ADGRB3: variants seen among roughly 807,000 people sequenced by gnomAD.
ADGRB3 encodes adhesion G protein-coupled receptor B3, also known as brain-specific angiogenesis inhibitor 3.
In ADGRB3, 37 loss-of-function variants were observed where a neutral mutation model predicts 193.4. That is an observed-to-expected ratio of 0.19 (90% confidence interval 0.15 to 0.25). The LOEUF (loss-of-function observed/expected upper bound fraction) is 0.25, where lower values mean the gene tolerates loss of function less well. ADGRB3 is among the 10% of genes least tolerant of loss of function. ADGRB3 has a pLI of 1.00. For missense variants in ADGRB3, 1,637 were observed against 1,852.9 expected (o/e 0.88, Z 2.14); for synonymous variants, 690 against 644.2 (o/e 1.07, Z -1.08).
At chr6:68,879,088 G>T (rs928745703) in intron 3 of ADGRB3, among the ~76,000 whole-genome samples, 3 of 151,990 alleles carry the variant, frequency 2.0e-5, no homozygotes, top group Non-Finnish European at 4.4e-5. Context: ...CATGGCATAA[G>T]CAAGATAAAT....
intron 13 of ADGRB3, among the ~76,000 whole-genome samples, chr6:69,040,868 A>G (rs949844281): frequency 2.6e-5 from 4 of 152,138 alleles, no homozygotes; most frequent in Admixed American, 1.3e-4. Context: ...AAAATGCTAC[A>G]TAGTTACTTT....
intron 20 of ADGRB3, among the ~76,000 whole-genome samples, chr6:69,321,096 A>G (rs1196698722): frequency 6.6e-6 from 1 of 151,492 alleles, no homozygotes; most frequent in East Asian, 1.9e-4. Context: ...TTTGTTCTTT[A>G]TATACTTTTG....
At chr6:69,009,660 G>A (rs969936268) in intron 11 of ADGRB3, among the ~76,000 whole-genome samples, 7 of 152,094 alleles carry the variant, frequency 4.6e-5, no homozygotes, top group African/African-American at 1.7e-4. Context: ...GCTTATCCCT[G>A]CTTCCTTGTT....
intron 17 of ADGRB3, among the ~76,000 whole-genome samples, chr6:69,149,283 C>T (rs186294822): frequency 2.0e-5 from 3 of 152,032 alleles, no homozygotes; most frequent in Admixed American, 1.3e-4. Flanking sequence ...TGTCTTCAAG[C>T]TCACTAATTC....
At chr6:68,787,883 G>C (rs968329949) in intron 3 of ADGRB3, among the ~76,000 whole-genome samples, 5 of 152,142 alleles carry the variant, frequency 3.3e-5, no homozygotes, top group African/African-American at 1.2e-4. Context: ...TTAGTCTTGG[G>C]AGGATATATG....
chr6:69,361,750 C>A, intron 29 of ADGRB3, among the ~76,000 whole-genome samples: 1 of 151,420 alleles, frequency 6.6e-6, no homozygotes, highest in South Asian at 2.1e-4. Flanking sequence ...TGAAAAGGAA[C>A]CCATTATATT....
intron 17 of ADGRB3, among the ~76,000 whole-genome samples, chr6:69,211,174 T>C (rs1765659679): frequency 6.6e-6 from 1 of 152,104 alleles, no homozygotes; most frequent in South Asian, 2.1e-4. Flanking sequence ...TTTCAGGACA[T>C]ATTCTTAAGA....
At chr6:69,185,105 C>A (rs918892285) in intron 17 of ADGRB3, among the ~76,000 whole-genome samples, 1 of 152,022 alleles carries the variant, frequency 6.6e-6, no homozygotes. Context: ...TTCAAATTGC[C>A]TCTCTACAAG....
intron 17 of ADGRB3, among the ~76,000 whole-genome samples, chr6:69,076,656 C>T (rs1344963593): frequency 6.6e-6 from 1 of 151,838 alleles, no homozygotes; most frequent in Non-Finnish European, 1.5e-5. Context: ...ATTGATAATC[C>T]TGAGATTTTG....
intron 20 of ADGRB3, among the ~76,000 whole-genome samples, chr6:69,324,316 G>T (rs1181951982): frequency 2.0e-5 from 3 of 152,046 alleles, no homozygotes; most frequent in African/African-American, 4.8e-5. Context: ...TTTTATTTTT[G>T]TACTATGTTA....
chr6:68,855,082 C>T (rs900601794), intron 3 of ADGRB3, among the ~76,000 whole-genome samples: 1 of 152,206 alleles, frequency 6.6e-6, no homozygotes, highest in African/African-American at 2.4e-5. Context: ...TTGAAAAGAG[C>T]TTCTTCCAGG....
intron 13 of ADGRB3, among the ~76,000 whole-genome samples, chr6:69,036,711 A>T (rs188613768): frequency 2.6e-5 from 4 of 152,292 alleles, no homozygotes; most frequent in African/African-American, 9.6e-5. Context: ...AGAATGTTCT[A>T]GTTAGAAAGA....
At chr6:69,051,597 T>C (rs1771395091) in intron 15 of ADGRB3, among the ~76,000 whole-genome samples, 1 of 152,230 alleles carries the variant, frequency 6.6e-6, no homozygotes, top group African/African-American at 2.4e-5. Flanking sequence ...ACTTCTCATT[T>C]TCTTTTATCT....
chr6:68,839,022 T>C (rs1194024119), intron 3 of ADGRB3, among the ~76,000 whole-genome samples: 2 of 151,774 alleles, frequency 1.3e-5, no homozygotes, highest in Non-Finnish European at 2.9e-5. Context: ...AGGAACACAT[T>C]TGCCCTCTCT....
At chr6:69,137,227 G>A (rs1774178501) in intron 17 of ADGRB3, among the ~76,000 whole-genome samples, 1 of 151,798 alleles carries the variant, frequency 6.6e-6, no homozygotes, top group East Asian at 1.9e-4. Context: ...TCTTTATGCA[G>A]ACTTGATTTA....
intron 28 of ADGRB3, among the ~76,000 whole-genome samples, 175 bp downstream of exon 28, chr6:69,356,035 G>A (rs923106217): frequency 6.6e-6 from 1 of 152,120 alleles, no homozygotes. Flanking sequence ...GAACGAGGCA[G>A]AAAAATCCAG....
chr6:69,117,945 T>C (rs1255702479), intron 17 of ADGRB3, among the ~76,000 whole-genome samples: 2 of 152,186 alleles, frequency 1.3e-5, no homozygotes, highest in Non-Finnish European at 2.9e-5. Context: ...GATTGCAGCA[T>C]TCAAGTTTTT....
At chr6:69,034,824 T>C (rs1057062485) in intron 13 of ADGRB3, among the ~76,000 whole-genome samples, 1 of 151,772 alleles carries the variant, frequency 6.6e-6, no homozygotes, top group Non-Finnish European at 1.5e-5. Flanking sequence ...AAATTTTATA[T>C]AGTTAAAAAG....
rs78615145 is a variant in ADGRB3 at position 69,093,378 on chromosome 6, T to C, written c.2480+17340T>C. ...TCCAGAGGGGAGGTAGTGGGCATCT[T>C]AGATTCAGGAGAGTCATGTAGCCTG... is the stretch of plus-strand genomic sequence containing the variant. On this transcript the variant is annotated intron_variant, in intron 17 of 31. Transcript: ENST00000370598. Among the ~76,000 whole-genome samples the C allele has an allele frequency of 4.9e-3, 745 of 151,594 alleles. 10 individuals are homozygous for C. Among genetic ancestry groups the C allele is most frequent in the African/African-American group, 0.017 (713 of 41,290 alleles).
Sources: gnomAD v4.1 joint callset for allele counts (sites outside exome capture counted in the v4.1 genomes callset) on GRCh38, gnomAD v4.1.1 for gene constraint, MANE v1.5 for transcripts, NCBI Gene and HGNC (gene_info 2026-07-23, HGNC 2026-07-21) for gene names.